The following NUP188 variants were observed in gnomAD, a reference collection of about 807,000 sequenced individuals.
NUP188 encodes nucleoporin 188, also known as nucleoporin NUP188.
In NUP188, 97 loss-of-function variants were observed where a neutral mutation model predicts 223.0. The observed-to-expected ratio is 0.43, with a 90% CI of 0.37 to 0.51. The LOEUF is 0.51. NUP188 is among the 20% of genes least tolerant of loss of function. The pLI is 0.00. For synonymous variants in NUP188, 869 were observed against 828.0 expected, an observed-to-expected ratio of 1.05 and a Z score of -0.85; for missense variants, 1,947 against 2,175.6, an observed-to-expected ratio of 0.89 and a Z score of 2.09.
At position 128,999,813 on chromosome 9, in the gene NUP188, A is replaced by G. The variant is rs1358355578; in HGVS notation, c.3843+8A>G. ...AGGGACCAGCGTGATGGGGTGAGACAGTGCCCTAGAAGGCCATCCGTCCTT... is the reference window on the plus strand; with the variant it reads ...AGGGACCAGCGTGATGGGGTGAGACGGTGCCCTAGAAGGCCATCCGTCCTT... On this transcript the variant is annotated splice_region_variant and intron_variant, in intron 34 of 43. Coordinates refer to ENST00000372577, the MANE Select transcript of NUP188 (RefSeq NM_015354.3). 1.1e-5 allele frequency: 17 copies of G among 1,613,654 alleles called. No individual in the cohort carries two copies. The highest frequency in any genetic ancestry group is 1.4e-5 in the Non-Finnish European group (17 of 1,179,728).
intron 1 of NUP188, 61 bp from the exon 2 acceptor site, chr9:128,949,128 G>T: frequency 1.7e-6 from 2 of 1,197,598 alleles, no homozygotes; most frequent in Middle Eastern, 3.8e-4. Context: ...TGGCTATGAG[G>T]CAGTGTACAA....
chr9:128,963,799 C>T (rs1449427860), intron 8 of NUP188, among the ~76,000 whole-genome samples: 2 of 150,380 alleles, frequency 1.3e-5, no homozygotes, highest in East Asian at 2.0e-4. Flanking sequence ...TGCCACCATG[C>T]CTGTCTTATT....
intron 36 of NUP188, 60 bp from the exon 37 acceptor site, chr9:129,002,757 C>A: frequency 6.4e-7 from 1 of 1,563,550 alleles, no homozygotes; most frequent in South Asian, 1.2e-5. Context: ...AGTTGCTGTA[C>A]TACAAGGAGG....
chr9:128,985,271 A>G, intron 20 of NUP188: 1 of 363,328 alleles, frequency 2.8e-6, no homozygotes, highest in Non-Finnish European at 5.0e-6. Context: ...GAAGAGGCCA[A>G]AAGGGTATTG....
intron 10 of NUP188, 113 bp downstream of exon 10, chr9:128,969,627 T>G: frequency 1.7e-6 from 1 of 588,618 alleles, no homozygotes; most frequent in Admixed American, 3.6e-5. Context: ...TGTTCAGTGA[T>G]GCAGAGGTTC....
chr9:128,949,919 C>CT (rs35705253), intron 2 of NUP188, among the ~76,000 whole-genome samples: 3,596 of 80,702 alleles, frequency 0.045, 14 homozygotes, highest in Non-Finnish European at 0.049. Context: ...GTGACGGCCA[C>CT]TTTTTTTTTT....
chr9:128,979,000 C>A (rs1360219621), intron 12 of NUP188, among the ~76,000 whole-genome samples: 1 of 152,176 alleles, frequency 6.6e-6, no homozygotes, highest in Non-Finnish European at 1.5e-5. Flanking sequence ...GTGGCCCCCA[C>A]ACCCAGCCAA....
In NUP188 at chr9:128,970,669, G is replaced by C. The variant is rs1842092380; in HGVS notation, c.913-89G>C. 2.7e-6 allele frequency: 3 copies of C among 1,106,744 alleles called. No individual in the cohort carries two copies. In the Admixed American group the frequency reaches 5.7e-5, roughly 21 times the overall value. The allele number at this position is 1,106,744 out of a possible 1,614,324, so 68.6% of individuals were successfully genotyped here. On this transcript the variant is annotated intron_variant, in intron 10 of 43. Transcript: ENST00000372577. The stretch of plus-strand genomic sequence containing the variant: ...TGAGAGAGTGAGGCCACTCTTTATG[G>C]CTTGCTTATTGAGCGTGATGAAGAA...
intron 34 of NUP188, among the ~76,000 whole-genome samples, chr9:129,001,243 G>C (rs1352553249): frequency 2.7e-5 from 4 of 150,824 alleles, no homozygotes; most frequent in African/African-American, 7.3e-5. Context: ...AGACGAGGTG[G>C]CTCTGACAAG....
chr9:128,984,947 G>A lies in NUP188; in HGVS notation c.2009G>A (p.Ser670Asn), dbSNP rs776755662. 6.2e-7 allele frequency: 1 copy of A among 1,614,020 alleles called. No homozygotes were observed. The highest frequency in any genetic ancestry group is 8.5e-7 in the Non-Finnish European group (1 of 1,179,946). ...AGGYGNLLMN[S>N]EQPQGEYGVT... ...GGGTACGGAAACCTCTTGATGAACAGTGAACAGCCTCAGGGCGAGTATGGG... is the reference window on the plus strand; with the variant it reads ...GGGTACGGAAACCTCTTGATGAACAATGAACAGCCTCAGGGCGAGTATGGG... The change falls in exon 20 of 44, where the codon AGT becomes AAT. Residue 670 changes from serine (S) to asparagine (N), a missense_variant. Transcript: ENST00000372577.
intron 24 of NUP188, among the ~76,000 whole-genome samples, chr9:128,989,144 A>G (rs1842380228): frequency 6.6e-6 from 1 of 152,084 alleles, no homozygotes; most frequent in Non-Finnish European, 1.5e-5. Context: ...CTGTAATCCC[A>G]GCACTTTGGG....
chr9:128,987,582 C>T lies in NUP188; in HGVS notation c.2265-7C>T. 1 of 1,609,946 alleles carries T rather than the reference C, an allele frequency of 6.2e-7. No individual in the cohort carries two copies. Among genetic ancestry groups the T allele is most frequent in the Non-Finnish European group, 8.5e-7 (1 of 1,178,142 alleles). On this transcript the variant is annotated splice_polypyrimidine_tract_variant and splice_region_variant and intron_variant, in intron 22 of 43. Transcript: ENST00000372577. ...CCCTGGTAACTCAGAATACCTCTGT[C>T]TTCCAGTCATACTCCCAGCCTGCAG... is the stretch of plus-strand genomic sequence containing the variant.
chr9:128,992,691 G>A (rs12552317), intron 25 of NUP188, among the ~76,000 whole-genome samples: 2 of 151,734 alleles, frequency 1.3e-5, no homozygotes, highest in East Asian at 1.9e-4. Context: ...ATTTATTTGC[G>A]CTACTTTCTG....
At chr9:128,981,812 C>T (rs915854074) in intron 15 of NUP188, among the ~76,000 whole-genome samples, 2 of 152,062 alleles carry the variant, frequency 1.3e-5, no homozygotes, top group Non-Finnish European at 2.9e-5. Context: ...TAGTGGCTCA[C>T]GCCTGTAATC....
At chr9:128,958,957 T>C (rs1216459350) in intron 7 of NUP188, 58 bp from the exon 8 acceptor site, 8 of 1,408,188 alleles carry the variant, frequency 5.7e-6, no homozygotes, top group Non-Finnish European at 7.7e-6. Flanking sequence ...TTTATTAATA[T>C]TTATTTGAAT....
chr9:128,987,088 AGTGTGTGTGTGTGTGTGTGT>A (rs376346210), intron 22 of NUP188, among the ~76,000 whole-genome samples: 3 of 113,262 alleles, frequency 2.6e-5, no homozygotes, highest in African/African-American at 1.1e-4. Flanking sequence ...AGAGAGAGAG[AGTGTGTGTGTGTGTGTGTGT>A]GTGTGTGTGT....
At chr9:128,985,952 T>C (rs1185607888) in intron 20 of NUP188, among the ~76,000 whole-genome samples, 1 of 152,034 alleles carries the variant, frequency 6.6e-6, no homozygotes, top group East Asian at 1.9e-4. Context: ...GGCAGGAGAA[T>C]TGCTTGAACC....
At chr9:128,955,926 G>A (rs139348252) in intron 3 of NUP188, among the ~76,000 whole-genome samples, 74 of 151,812 alleles carry the variant, frequency 4.9e-4, no homozygotes, top group African/African-American at 1.5e-3. Flanking sequence ...GTATGCCACA[G>A]ACCTGGTTTT....
At chr9:128,985,194 A>G (rs1408017225) in intron 20 of NUP188, 180 bp downstream of exon 20, 2 of 543,918 alleles carry the variant, frequency 3.7e-6, no homozygotes, top group African/African-American at 3.9e-5. Context: ...TGTGCCAGTT[A>G]TGTACTCTAT....
Sources: gnomAD v4.1 joint callset for allele counts (sites outside exome capture counted in the v4.1 genomes callset) on GRCh38, gnomAD v4.1.1 for gene constraint, MANE v1.5 for transcripts, NCBI Gene and HGNC (gene_info 2026-07-23, HGNC 2026-07-21) for gene names.